The following LRPPRC variants were observed in gnomAD, a reference collection of about 807,000 sequenced individuals.
LRPPRC encodes leucine-rich PPR motif-containing protein, mitochondrial.
In LRPPRC, 120 loss-of-function variants were observed where a neutral mutation model predicts 180.3. The observed-to-expected ratio is 0.67, with a 90% CI of 0.57 to 0.77. The LOEUF (loss-of-function observed/expected upper bound fraction) is 0.77, where lower values mean the gene tolerates loss of function less well. Ranked by LOEUF, LRPPRC falls within the 30% of genes least tolerant of loss-of-function variation. The pLI is 0.00. For synonymous variants in LRPPRC, 723 were observed against 600.0 expected (o/e 1.21, Z -3.00); for missense variants, 2,012 against 1,657.2 (o/e 1.21, Z -3.72).
chr2:43,889,569 C>T (rs966951822), intron 37 of LRPPRC, among the ~76,000 whole-genome samples, 165 bp downstream of exon 37: 1 of 149,376 alleles, frequency 6.7e-6, no homozygotes. Flanking sequence ...CTCCGACTGC[C>T]GCAGCCAAGG....
rs1230716894 is a variant in LRPPRC at position 43,963,691 on chromosome 2, A to G, written c.1385T>C (p.Leu462Pro). The change falls in exon 12 of 38, where the codon CTC becomes CCC. Residue 462 changes from leucine to proline, a missense_variant. Transcript: ENST00000260665. Reference protein sequence around the residue: ...EKNVQGIIEILKGMQELGVHP... With the variant: ...EKNVQGIIEIPKGMQELGVHP... Reference sequence around the variant, plus strand: ...TACTCCCAATTCTTGCATTCCTTTGAGGATTTCAATTATACCTACCAAATA... The same window carrying G: ...TACTCCCAATTCTTGCATTCCTTTGGGGATTTCAATTATACCTACCAAATA... 1.3e-6 allele frequency: 2 copies of G among 1,573,578 alleles called. No homozygotes were observed.
In LRPPRC at chr2:43,887,518, C is replaced by T. The variant is rs1670311136; in HGVS notation, c.*1082G>A. 1 of 152,212 alleles carries T rather than the reference C, an allele frequency of 6.6e-6. No individual in the cohort carries two copies. Among genetic ancestry groups the T allele is most frequent in the Admixed American group, 6.5e-5 (1 of 15,280 alleles). The allele number at this position is 152,212 out of a possible 1,614,324, so 9.4% of individuals were successfully genotyped here. On this transcript the variant is annotated 3_prime_UTR_variant, in exon 38 of 38. Coordinates refer to ENST00000260665, the MANE Select transcript of LRPPRC (RefSeq NM_133259.4). ...AGTGTGACCCAAGTTGGCACTGAAA[C>T]TGGAACAGTAGGGAGTCACCAAATT...
intron 29 of LRPPRC, among the ~76,000 whole-genome samples, chr2:43,914,802 T>C (rs1372698922): frequency 6.6e-6 from 1 of 152,064 alleles, no homozygotes; most frequent in Admixed American, 6.6e-5. Context: ...TAGAGGTAGC[T>C]CCACATTTAT....
intron 2 of LRPPRC, among the ~76,000 whole-genome samples, chr2:43,980,925 C>G (rs554510512): frequency 1.3e-4 from 20 of 152,158 alleles, no homozygotes; most frequent in African/African-American, 4.3e-4. Flanking sequence ...ATAAATAAGT[C>G]AGAGAGAGAA....
Position 43,948,514 on chromosome 2 carries a change from A to G in LRPPRC, c.1740T>C (p.Ala580=). Residue 580 remains alanine, a synonymous_variant, in exon 17 of 38, where the codon GCT becomes GCC. Transcript: ENST00000260665. ...YCQEPRGPTE[A]VGYFLYNLID... ...TCAAGTTATAAAGAAAATAGCCAAC[A>G]GCTTCTGTGGAAAAAAACAAGAGAA... 1 of 1,536,266 alleles carries G rather than the reference A, an allele frequency of 6.5e-7. No individual in the cohort carries two copies. The highest frequency in any genetic ancestry group is 9.0e-7 in the Non-Finnish European group (1 of 1,108,974).
intron 30 of LRPPRC, among the ~76,000 whole-genome samples, chr2:43,911,355 C>T (rs1479290325): frequency 4.6e-5 from 7 of 151,988 alleles, no homozygotes; most frequent in South Asian, 2.1e-4. Context: ...ACACTAAATA[C>T]GGCCCTATGA....
intron 25 of LRPPRC, among the ~76,000 whole-genome samples, chr2:43,926,540 G>C (rs1435514727): frequency 6.6e-6 from 1 of 152,022 alleles, no homozygotes; most frequent in Non-Finnish European, 1.5e-5. Flanking sequence ...GCTAATTTTT[G>C]TATTTTTAGT....
At position 43,973,547 on chromosome 2, in the gene LRPPRC, G is replaced by A. The variant is rs550197991; in HGVS notation, c.1369+60C>T. ...TTCCAAAGAATCCAATTAGATGTGCGTGCAAACTGTCATACTGGCTCTGGG... is the reference window on the plus strand; with the variant it reads ...TTCCAAAGAATCCAATTAGATGTGCATGCAAACTGTCATACTGGCTCTGGG... On this transcript the variant is annotated intron_variant, in intron 11 of 37. Coordinates refer to ENST00000260665, the MANE Select transcript of LRPPRC (RefSeq NM_133259.4). The A allele has an allele frequency of 6.7e-5, 69 of 1,029,594 alleles. 1 individual carries two copies. Among genetic ancestry groups the A allele is most frequent in the East Asian group, 5.9e-4 (25 of 42,260 alleles). The allele number at this position is 1,029,594 out of a possible 1,614,324, so 63.8% of individuals were successfully genotyped here.
chr2:43,978,718 A>T (rs1277223636), intron 3 of LRPPRC, among the ~76,000 whole-genome samples: 2 of 152,114 alleles, frequency 1.3e-5, no homozygotes, highest in African/African-American at 4.8e-5. Context: ...AGATGTATTC[A>T]AAACTGTGAA....
At chr2:43,899,020 C>T (rs1670793673) in intron 34 of LRPPRC, among the ~76,000 whole-genome samples, 199 bp downstream of exon 34, 1 of 152,208 alleles carries the variant, frequency 6.6e-6, no homozygotes, top group African/African-American at 2.4e-5. Context: ...CTAGTTTGAT[C>T]TGGCATCTTT....
At chr2:43,970,989 ACTCAGGAAG>A in intron 11 of LRPPRC, among the ~76,000 whole-genome samples, 1 of 152,090 alleles carries the variant, frequency 6.6e-6, no homozygotes, top group East Asian at 1.9e-4. Flanking sequence ...AATCCCAGCT[ACTCAGGAAG>A]CTGAGGCAAG....
intron 15 of LRPPRC, among the ~76,000 whole-genome samples, chr2:43,950,167 A>C (rs1378503665): frequency 6.6e-6 from 1 of 152,208 alleles, no homozygotes; most frequent in African/African-American, 2.4e-5. Flanking sequence ...ACTAAAACAA[A>C]AGGGGTCTAA....
intron 3 of LRPPRC, among the ~76,000 whole-genome samples, chr2:43,979,580 C>A (rs186052175): frequency 1.3e-5 from 2 of 152,162 alleles, no homozygotes; most frequent in East Asian, 3.9e-4. Flanking sequence ...ACAGACAAAC[C>A]GGCTATTTTC....
At chr2:43,959,565 G>A (rs1673255059) in intron 13 of LRPPRC, among the ~76,000 whole-genome samples, 1 of 152,096 alleles carries the variant, frequency 6.6e-6, no homozygotes, top group Non-Finnish European at 1.5e-5. Flanking sequence ...CACCATGGAC[G>A]TGTTAAAAAA....
At chr2:43,898,271 A>C (rs1670760276) in intron 34 of LRPPRC, among the ~76,000 whole-genome samples, 3 of 152,290 alleles carry the variant, frequency 2.0e-5, no homozygotes, top group African/African-American at 7.2e-5. Flanking sequence ...TCTACTGTCA[A>C]ACTAGATGAA....
At chr2:43,993,836 T>C (rs1253368243) in intron 1 of LRPPRC, among the ~76,000 whole-genome samples, 1 of 151,932 alleles carries the variant, frequency 6.6e-6, no homozygotes, top group African/African-American at 2.4e-5. Flanking sequence ...GGATTGAGTG[T>C]TGAGGTAAGG....
intron 11 of LRPPRC, among the ~76,000 whole-genome samples, chr2:43,967,226 CCT>C (rs892934256): frequency 2.0e-4 from 30 of 152,062 alleles, no homozygotes; most frequent in Admixed American, 9.8e-4. Context: ...CAAGGAGACC[CCT>C]GTTTCTACCA....
Position 43,939,576 on chromosome 2 carries a change from G to A in LRPPRC, c.2504+4111C>T, listed in dbSNP as rs192519474. On this transcript the variant is annotated intron_variant, in intron 23 of 37. Coordinates refer to ENST00000260665, the MANE Select transcript of LRPPRC (RefSeq NM_133259.4). ...AAATCCTCAGCAGATGTTCAATATG[G>A]GAAGAAACCAATTCAAGAGAAACCA... Among the ~76,000 whole-genome samples the A allele has an allele frequency of 3.3e-3, 505 of 152,172 alleles. 1 individual carries two copies. The highest frequency in any genetic ancestry group is 8.2e-3 in the Admixed American group (126 of 15,278).
chr2:43,924,730 A>G (rs966351197), intron 27 of LRPPRC, among the ~76,000 whole-genome samples: 3 of 152,210 alleles, frequency 2.0e-5, no homozygotes, highest in Non-Finnish European at 4.4e-5. Flanking sequence ...TTACCTATTT[A>G]TAAAAGTCAC....
Sources: gnomAD v4.1 joint callset for allele counts (sites outside exome capture counted in the v4.1 genomes callset) on GRCh38, gnomAD v4.1.1 for gene constraint, MANE v1.5 for transcripts, NCBI Gene and HGNC (gene_info 2026-07-23, HGNC 2026-07-21) for gene names.